Variants in ZBBX observed in about 807,000 individuals in gnomAD.
ZBBX encodes the protein zinc finger B-box domain containing, also known as zinc finger B-box domain-containing protein 1.
In ZBBX, 101 loss-of-function variants were observed where a neutral mutation model predicts 108.5. The ratio of observed to expected loss-of-function variants is 0.93; its 90% CI spans 0.79 to 1.10. ZBBX has a LOEUF of 1.10. Among genes scored for constraint, ZBBX ranks in the 50% least tolerant of loss-of-function variants. ZBBX has a pLI of 0.00. For missense variants in ZBBX, 1,009 were observed against 941.4 expected (o/e 1.07, Z -0.94); for synonymous variants, 356 against 323.4 (o/e 1.10, Z -1.08).
intron 8 of ZBBX, 82 bp downstream of exon 8, chr3:167,359,788 T>C: frequency 1.7e-6 from 1 of 574,738 alleles, no homozygotes; most frequent in East Asian, 3.5e-5. Flanking sequence ...GAGAGGTGTA[T>C]GAGGCCATGT....
the ZBBX span, among the ~76,000 whole-genome samples, chr3:167,189,841 T>C: frequency 0.25 from 38,470 of 152,140 alleles, 6,030 homozygotes; most frequent in East Asian, 0.65. Context: ...CTTAATGCTC[T>C]ACATTCAATG....
chr3:167,278,249 CAG>C (rs1728052507), intron 20 of ZBBX, among the ~76,000 whole-genome samples: 1 of 147,750 alleles, frequency 6.8e-6, no homozygotes, highest in Non-Finnish European at 1.5e-5. Context: ...TAACTAAAAT[CAG>C]AGCAGAAATG....
intron 19 of ZBBX, among the ~76,000 whole-genome samples, chr3:167,284,218 G>T (rs930438902): frequency 6.7e-6 from 1 of 149,344 alleles, no homozygotes; most frequent in African/African-American, 2.4e-5. Flanking sequence ...TTATCCCTGA[G>T]AATTATTTTT....
At chr3:167,365,381 C>T (rs969629221) in intron 6 of ZBBX, among the ~76,000 whole-genome samples, 9 of 151,684 alleles carry the variant, frequency 5.9e-5, no homozygotes, top group Admixed American at 4.6e-4. Flanking sequence ...TTATAGCACA[C>T]AGTAAAGGAG....
chr3:167,327,660 T>C (rs1298817346), intron 11 of ZBBX, among the ~76,000 whole-genome samples: 1 of 152,112 alleles, frequency 6.6e-6, no homozygotes, highest in Non-Finnish European at 1.5e-5. Context: ...CTCATGTCTG[T>C]AATCCCAGCA....
intron 11 of ZBBX, among the ~76,000 whole-genome samples, chr3:167,327,616 T>C (rs1040472966): frequency 2.0e-5 from 3 of 152,048 alleles, no homozygotes; most frequent in African/African-American, 7.2e-5. Flanking sequence ...AAAACATTCA[T>C]GGTATAAAAA....
At chr3:167,403,758 C>A (rs1577150701) in intron 1 of ZBBX, among the ~76,000 whole-genome samples, 1 of 151,142 alleles carries the variant, frequency 6.6e-6, no homozygotes, top group East Asian at 1.9e-4. Context: ...TACTTTAGTC[C>A]CTAAAGCAAA....
chr3:167,301,967 A>AC (rs1328295017), intron 17 of ZBBX, among the ~76,000 whole-genome samples: 5 of 151,698 alleles, frequency 3.3e-5, no homozygotes, highest in African/African-American at 9.7e-5. Context: ...AAAAAAAAAA[A>AC]AAAAAAAAAA....
At chr3:167,335,209 G>A (rs917557229) in intron 9 of ZBBX, among the ~76,000 whole-genome samples, 1 of 152,000 alleles carries the variant, frequency 6.6e-6, no homozygotes, top group Non-Finnish European at 1.5e-5. Flanking sequence ...TGATTTTATG[G>A]CTACTACAGT....
At chr3:167,188,937 G>T in the ZBBX span, among the ~76,000 whole-genome samples, 1 of 152,096 alleles carries the variant, frequency 6.6e-6, no homozygotes, top group Non-Finnish European at 1.5e-5. Flanking sequence ...AAAAGACACA[G>T]TAAGAATCTT....
At chr3:167,308,393 C>G (rs1186740716) in intron 16 of ZBBX, among the ~76,000 whole-genome samples, 1 of 152,160 alleles carries the variant, frequency 6.6e-6, no homozygotes, top group African/African-American at 2.4e-5. Context: ...TCATGGAAGA[C>G]AGCATGGTGA....
At chr3:167,371,721 A>G (rs1746183329) in intron 4 of ZBBX, among the ~76,000 whole-genome samples, 1 of 152,184 alleles carries the variant, frequency 6.6e-6, no homozygotes, top group African/African-American at 2.4e-5. Context: ...AGTCCTAGCA[A>G]TTAGATAGCT....
chr3:167,238,741 T>G (rs1224258806), downstream of ZBBX, among the ~76,000 whole-genome samples: 1 of 152,102 alleles, frequency 6.6e-6, no homozygotes, highest in Non-Finnish European at 1.5e-5. Flanking sequence ...CACAAAGTGA[T>G]GACCACAAAA....
At chr3:167,391,952 T>A (rs1748095694) in intron 1 of ZBBX, among the ~76,000 whole-genome samples, 1 of 151,734 alleles carries the variant, frequency 6.6e-6, no homozygotes, top group Non-Finnish European at 1.5e-5. Flanking sequence ...TTGAAATCAA[T>A]ACTCTCACCT....
At chr3:167,199,785 T>C in the ZBBX span, among the ~76,000 whole-genome samples, 1 of 152,156 alleles carries the variant, frequency 6.6e-6, no homozygotes, top group African/African-American at 2.4e-5. Flanking sequence ...GTTTACAGAT[T>C]TGGCAAATAA....
chr3:167,393,605 G>A (rs1419706894), intron 1 of ZBBX, among the ~76,000 whole-genome samples: 1 of 151,800 alleles, frequency 6.6e-6, no homozygotes, highest in East Asian at 1.9e-4. Context: ...ATTCTTTCCA[G>A]TCATTGCCTC....
At chr3:167,383,668 C>T (rs1380777887), upstream of ZBBX, among the ~76,000 whole-genome samples, 3 of 151,918 alleles carry the variant, frequency 2.0e-5, no homozygotes, top group East Asian at 1.9e-4. Context: ...ATCATCAGGG[C>T]CTATGATAAA....
chr3:167,328,920 G>A (rs1479570767), intron 10 of ZBBX, among the ~76,000 whole-genome samples: 2 of 152,010 alleles, frequency 1.3e-5, no homozygotes, highest in East Asian at 3.9e-4. Flanking sequence ...TTACTCCCAT[G>A]TGACTTTATT....
chr3:167,266,491 C>A (rs1246750814), intron 20 of ZBBX, among the ~76,000 whole-genome samples: 4 of 152,088 alleles, frequency 2.6e-5, no homozygotes, highest in Non-Finnish European at 5.9e-5. Context: ...ACCCATTTTT[C>A]CCTTGAAACT....
Sources: allele counts gnomAD v4.1 joint callset (sites outside exome capture counted in the v4.1 genomes callset), GRCh38; gene constraint gnomAD v4.1.1; transcripts MANE v1.5; gene names NCBI Gene and HGNC (gene_info 2026-07-23, HGNC 2026-07-21).